Variants in PHF14 observed in about 807,000 individuals in gnomAD.
PHF14 encodes PHD finger protein 14.
Under a neutral mutation model 117.9 loss-of-function variants are expected in PHF14, and 55 were observed. The observed-to-expected ratio is 0.47, with a 90% confidence interval of 0.38 to 0.58. PHF14 has a LOEUF of 0.58. Among genes scored for constraint, PHF14 ranks in the 20% least tolerant of loss-of-function variants. The pLI is 0.00. For synonymous variants in PHF14, 409 were observed against 368.6 expected (o/e 1.11, Z -1.26); for missense variants, 978 against 1,122.2 (o/e 0.87, Z 1.84).
intron 4 of PHF14, 69 bp downstream of exon 4, chr7:10,990,916 T>G: frequency 2.8e-6 from 3 of 1,084,192 alleles, no homozygotes; most frequent in Non-Finnish European, 4.0e-6. Context: ...TGTACTAAGG[T>G]GGTTCTACAA....
intron 12 of PHF14, among the ~76,000 whole-genome samples, chr7:11,041,495 A>C (rs1784504977): frequency 6.6e-6 from 1 of 151,582 alleles, no homozygotes; most frequent in South Asian, 2.1e-4. Flanking sequence ...TATGTTATGC[A>C]TGTGTAAATA....
At chr7:11,139,112 C>G (rs992266920) in intron 17 of PHF14, among the ~76,000 whole-genome samples, 2 of 152,032 alleles carry the variant, frequency 1.3e-5, no homozygotes, top group Non-Finnish European at 2.9e-5. Context: ...AAATTTTGTT[C>G]TAGTTTCACT....
chr7:11,112,229 G>A (rs572173969), intron 17 of PHF14, among the ~76,000 whole-genome samples: 1 of 152,186 alleles, frequency 6.6e-6, no homozygotes, highest in South Asian at 2.1e-4. Flanking sequence ...AAAAGATGAC[G>A]AAAATTAACT....
chr7:11,060,440 CATAAGTTTTCAGTTAGAACTTGA>C (rs1187089490), intron 14 of PHF14, among the ~76,000 whole-genome samples: 1 of 152,158 alleles, frequency 6.6e-6, no homozygotes, highest in East Asian at 1.9e-4. Context: ...AATTACTAGC[CATAAGTTTTCAGTTAGAACTTGA>C]ATAAGTGTTG....
At position 10,981,898 on chromosome 7, in the gene PHF14, G is replaced by T. The variant is rs1782055435; in HGVS notation, c.113-474G>T. ...CTGGGTAAAGAGTAAAATAAATGAA[G>T]CAGTTTTATGGGTTAGATTTATCTT... On this transcript the variant is annotated intron_variant, in intron 2 of 17. Coordinates refer to ENST00000634607, the MANE Select transcript of PHF14 (RefSeq NM_001007157.2). 2.6e-5 allele frequency among the ~76,000 whole-genome samples: 4 copies of T among 152,038 alleles called. No homozygotes were observed. The South Asian group carries it at 8.3e-4, about 32-fold the overall frequency.
chr7:10,982,021 A>C (rs1782059692), intron 2 of PHF14, among the ~76,000 whole-genome samples: 1 of 152,222 alleles, frequency 6.6e-6, no homozygotes. Context: ...AATTAAAATC[A>C]AGTGCCCAAT....
chr7:11,016,180 A>C (rs950770600), intron 5 of PHF14, among the ~76,000 whole-genome samples: 10 of 152,076 alleles, frequency 6.6e-5, no homozygotes, highest in Non-Finnish European at 1.2e-4. Flanking sequence ...TTTATATACT[A>C]TTTGAACACT....
chr7:11,104,847 C>T, intron 16 of PHF14: 4 of 902,286 alleles, frequency 4.4e-6, no homozygotes, highest in Non-Finnish European at 5.3e-6. Flanking sequence ...GCCTGGAACA[C>T]CACATTAAGA....
intron 16 of PHF14, among the ~76,000 whole-genome samples, chr7:11,076,458 C>G (rs1251775204): frequency 3.3e-5 from 5 of 151,516 alleles, no homozygotes; most frequent in African/African-American, 1.2e-4. Flanking sequence ...TGCTTTTTAA[C>G]TTTAGATGTC....
intron 17 of PHF14, among the ~76,000 whole-genome samples, chr7:11,138,288 G>A (rs957112136): frequency 3.0e-4 from 45 of 151,258 alleles, no homozygotes; most frequent in African/African-American, 1.1e-3. Context: ...TGATCCACCC[G>A]CCTCGGCCCC....
intron 2 of PHF14, among the ~76,000 whole-genome samples, chr7:10,980,553 AAAG>A (rs1782016009): frequency 6.6e-6 from 1 of 152,116 alleles, no homozygotes; most frequent in Admixed American, 6.6e-5. Flanking sequence ...TAGAGACTGA[AAAG>A]AAGTCACTTG....
intron 16 of PHF14, among the ~76,000 whole-genome samples, chr7:11,078,860 T>C (rs1368736151): frequency 2.0e-5 from 3 of 152,148 alleles, no homozygotes; most frequent in Non-Finnish European, 4.4e-5. Context: ...TGTCTTTTCC[T>C]TTCTGTAAAA....
chr7:11,004,559 G>T (rs1439758032), intron 4 of PHF14, among the ~76,000 whole-genome samples: 2 of 151,784 alleles, frequency 1.3e-5, no homozygotes, highest in East Asian at 3.9e-4. Context: ...CAATTTTTCT[G>T]CCATTTTGTG....
chr7:10,983,999 A>G (rs1211149200), intron 3 of PHF14, among the ~76,000 whole-genome samples: 1 of 152,192 alleles, frequency 6.6e-6, no homozygotes, highest in Admixed American at 6.5e-5. Flanking sequence ...GTTGTCTTAC[A>G]TGTAGATGTA....
chr7:10,993,320 C>G (rs188839999), intron 4 of PHF14, among the ~76,000 whole-genome samples: 12 of 152,208 alleles, frequency 7.9e-5, no homozygotes, highest in Non-Finnish European at 1.6e-4. Context: ...GCCCTTGTCC[C>G]AAGTAATTCT....
intron 14 of PHF14, among the ~76,000 whole-genome samples, chr7:11,059,788 G>A (rs990595214): frequency 3.9e-5 from 6 of 151,976 alleles, no homozygotes; most frequent in African/African-American, 1.4e-4. Flanking sequence ...AAAGAAAAAA[G>A]CCCTGTAAAT....
intron 4 of PHF14, among the ~76,000 whole-genome samples, chr7:11,003,761 C>T (rs917214736): frequency 2.6e-5 from 4 of 152,152 alleles, no homozygotes; most frequent in African/African-American, 4.8e-5. Flanking sequence ...TTATAAGTGA[C>T]ATATGAGTAG....
chr7:11,103,943 T>A, intron 16 of PHF14: 1 of 982,184 alleles, frequency 1.0e-6, no homozygotes, highest in Non-Finnish European at 1.2e-6. Flanking sequence ...AAGATAGGAC[T>A]AGTTGTCACT....
chr7:11,036,767 T>A (rs1784334970), intron 9 of PHF14, 79 bp downstream of exon 9: 3 of 1,301,800 alleles, frequency 2.3e-6, no homozygotes, highest in Non-Finnish European at 3.2e-6. Context: ...CTGTTAATTT[T>A]TAGAAATTTA....
Sources: gnomAD v4.1 joint callset for allele counts (sites outside exome capture counted in the v4.1 genomes callset) on GRCh38, gnomAD v4.1.1 for gene constraint, MANE v1.5 for transcripts, NCBI Gene and HGNC (gene_info 2026-07-23, HGNC 2026-07-21) for gene names.